Variants in CFAP77 observed in about 807,000 individuals in gnomAD.
CFAP77 encodes the protein cilia- and flagella-associated protein 77.
CFAP77 carries 25 observed loss-of-function variants against 31.1 expected under a neutral mutation model. That is an observed-to-expected ratio of 0.80 (90% confidence interval 0.59 to 1.12). The LOEUF is 1.12. CFAP77 is among the 50% of genes most tolerant of loss of function. The pLI is 0.00. For missense variants in CFAP77, 377 were observed against 397.3 expected, an observed-to-expected ratio of 0.95 and a Z score of 0.44; for synonymous variants, 151 against 159.9, an observed-to-expected ratio of 0.94 and a Z score of 0.42.
intron 5 of CFAP77, among the ~76,000 whole-genome samples, chr9:132,556,300 C>T (rs954764226): frequency 1.3e-5 from 2 of 152,314 alleles, no homozygotes; most frequent in Admixed American, 1.3e-4. Flanking sequence ...TCAGGCTCTG[C>T]TGTGACCTCC....
At chr9:132,516,384 A>G (rs1202022875) in intron 3 of CFAP77, among the ~76,000 whole-genome samples, 1 of 152,138 alleles carries the variant, frequency 6.6e-6, no homozygotes, top group African/African-American at 2.4e-5. Context: ...TTATACAAAA[A>G]GTGGGGCTGA....
rs540960 is a variant in CFAP77, at chr9:132,511,780, G to A, written c.524+12180G>A. On this transcript the variant is annotated intron_variant, in intron 3 of 5. Transcript: ENST00000393216. This position sits in a 1 kb window ranked among gnomAD's most constrained non-coding sequence, Gnocchi z 5.8. ...TTAAAATAACAAAAATGAAGCGGCC[G>A]CGCGGCGGCTCACGCCTGTCATCCC... is the stretch of plus-strand genomic sequence containing the variant. Among the ~76,000 whole-genome samples, 1 of 152,184 alleles carries A rather than the reference G, an allele frequency of 6.6e-6. No individual in the cohort carries two copies. Among genetic ancestry groups the A allele is most frequent in the Non-Finnish European group, 1.5e-5 (1 of 68,034 alleles).
At chr9:132,476,213 TG>T (rs1851344338) in intron 1 of CFAP77, among the ~76,000 whole-genome samples, 1 of 152,102 alleles carries the variant, frequency 6.6e-6, no homozygotes, top group Admixed American at 6.6e-5. Flanking sequence ...ATCCTCTGCT[TG>T]GTCCTGGGGT....
At chr9:132,433,261 T>G (rs1360781141) in intron 1 of CFAP77, among the ~76,000 whole-genome samples, 1 of 152,204 alleles carries the variant, frequency 6.6e-6, no homozygotes, top group Non-Finnish European at 1.5e-5. Context: ...GCTTGCTCAA[T>G]GGTAAGGGCC....
chr9:132,519,800 ATGAATGGGTGGG>A (rs1852235043), intron 3 of CFAP77, among the ~76,000 whole-genome samples: 1 of 130,526 alleles, frequency 7.7e-6, no homozygotes, highest in African/African-American at 3.0e-5. Flanking sequence ...GGATGGATGG[ATGAATGGGTGGG>A]TGGATGGATG....
Position 132,511,710 on chromosome 9 carries a change from TAATTTCCTGGGGTTTCTGAAACA to T in CFAP77, c.524+12115_524+12137del, listed in dbSNP as rs1188631079. 6.6e-6 allele frequency among the ~76,000 whole-genome samples: 1 copy of T among 152,222 alleles called. No individual in the cohort carries two copies. The highest frequency in any genetic ancestry group is 1.5e-5 in the Non-Finnish European group (1 of 68,036). ...GGAGCTGTTGAAAATCATCGTTTGT[TAATTTCCTGGGGTTTCTGAAACA>T]AATTACCACACGTTCAATGGCTTAA... On this transcript the variant is annotated intron_variant, in intron 3 of 5. Transcript: ENST00000393216. The surrounding 1 kb of genome is among the most constrained non-coding windows in gnomAD (Gnocchi z 5.8).
chr9:132,550,519 C>CTTTTTTT (rs766424349), intron 5 of CFAP77, among the ~76,000 whole-genome samples: 8 of 102,818 alleles, frequency 7.8e-5, no homozygotes, highest in Admixed American at 1.1e-4. Flanking sequence ...TCCCTTGAAG[C>CTTTTTTT]TTTTTTTTTT....
At position 132,464,445 on chromosome 9, in the gene CFAP77, C is replaced by A. The variant is rs565857831; in HGVS notation, c.196-34250C>A. On this transcript the variant is annotated intron_variant, in intron 1 of 5. Transcript: ENST00000393216. ...ACACAACTGTGGAACAGCACAGGCC[C>A]AAAGGGTAACAATGCAAGCCTTGTG... Among the ~76,000 whole-genome samples, 182 of 152,080 alleles carry A rather than the reference C, an allele frequency of 1.2e-3. 4 individuals are homozygous for A. The highest frequency in any genetic ancestry group is 6.8e-3 in the Middle Eastern group (2 of 294).
chr9:132,411,324 C>A (rs1849994748), intron 1 of CFAP77, among the ~76,000 whole-genome samples: 1 of 152,042 alleles, frequency 6.6e-6, no homozygotes, highest in South Asian at 2.1e-4. Context: ...ACCGTGGATT[C>A]AACAACAATT....
chr9:132,507,128 C>T lies in CFAP77; in HGVS notation c.524+7528C>T, dbSNP rs138166038. ...TCACTTCCTTCCCTTTCACATTCAG[C>T]GGCAACCACTTCCTGATAAACTCAA... On this transcript the variant is annotated intron_variant, in intron 3 of 5. Transcript: ENST00000393216. Among the ~76,000 whole-genome samples the T allele has an allele frequency of 2.0e-3, 309 of 152,344 alleles. 3 individuals are homozygous for T. The highest frequency in any genetic ancestry group is 7.0e-3 in the African/African-American group (292 of 41,580).
intron 5 of CFAP77, among the ~76,000 whole-genome samples, chr9:132,561,554 T>A (rs1829805691): frequency 6.6e-6 from 1 of 150,922 alleles, no homozygotes; most frequent in Non-Finnish European, 1.5e-5. Context: ...GATTGACCTG[T>A]GAATTTGTAC....
chr9:132,555,914 G>A (rs1235415518), intron 5 of CFAP77, among the ~76,000 whole-genome samples: 12 of 152,042 alleles, frequency 7.9e-5, no homozygotes, highest in East Asian at 1.9e-4. Flanking sequence ...CGGCGTACAC[G>A]ATACCGAGAA....
At chr9:132,536,757 T>C (rs1206436139) in intron 3 of CFAP77, among the ~76,000 whole-genome samples, 2 of 152,150 alleles carry the variant, frequency 1.3e-5, no homozygotes, top group Non-Finnish European at 2.9e-5. Flanking sequence ...TCTCAACCTG[T>C]TTAGAGATTA....
chr9:132,463,831 A>G (rs1187571483), intron 1 of CFAP77, among the ~76,000 whole-genome samples: 1 of 152,166 alleles, frequency 6.6e-6, no homozygotes, highest in Non-Finnish European at 1.5e-5. Context: ...CTATCTGTGC[A>G]TGGGGCTGCT....
At chr9:132,510,286 C>A (rs570102317) in intron 3 of CFAP77, among the ~76,000 whole-genome samples, 4 of 152,342 alleles carry the variant, frequency 2.6e-5, no homozygotes, top group African/African-American at 9.6e-5. Context: ...CTGGGCCTCA[C>A]CCGTGTCAGG....
At chr9:132,433,385 G>A (rs1433838336) in intron 1 of CFAP77, among the ~76,000 whole-genome samples, 5 of 152,036 alleles carry the variant, frequency 3.3e-5, no homozygotes, top group South Asian at 2.1e-4. Context: ...TCTGTGAGTC[G>A]TGATTATGCC....
chr9:132,486,423 G>T (rs1371895498), intron 1 of CFAP77, among the ~76,000 whole-genome samples: 1 of 152,000 alleles, frequency 6.6e-6, no homozygotes, highest in Non-Finnish European at 1.5e-5. Flanking sequence ...AGGCATCATC[G>T]CTTTTAGGGA....
chr9:132,513,450 G>A (rs540364072), intron 3 of CFAP77: 18 of 1,377,658 alleles, frequency 1.3e-5, no homozygotes, highest in South Asian at 8.6e-5. Flanking sequence ...GCCCCTCCCC[G>A]TCTTCCCTGA....
At chr9:132,458,352 G>GGGGGT (rs1554738875) in intron 1 of CFAP77, among the ~76,000 whole-genome samples, 4 of 98,642 alleles carry the variant, frequency 4.1e-5, no homozygotes, top group Non-Finnish European at 6.6e-5. Flanking sequence ...CGGGGGAGGG[G>GGGGGT]GGGGGGTGTG....
Sources: gnomAD v4.1 joint callset for allele counts (sites outside exome capture counted in the v4.1 genomes callset) on GRCh38, gnomAD v4.1.1 for gene constraint, Gnocchi (gnomAD v3.1) non-coding constraint, MANE v1.5 for transcripts, NCBI Gene and HGNC (gene_info 2026-07-23, HGNC 2026-07-21) for gene names.